The following KANK1 variants were observed in gnomAD, a reference collection of about 807,000 sequenced individuals.
The protein encoded by KANK1 is KN motif and ankyrin repeat domains 1, also known as KN motif and ankyrin repeat domain-containing protein 1.
KANK1 carries 109 observed loss-of-function variants against 106.2 expected under a neutral mutation model. That is an observed-to-expected ratio of 1.03 (90% CI 0.88 to 1.20). The LOEUF is 1.20. Ranked by LOEUF, KANK1 falls within the 50% of genes most tolerant of loss-of-function variation. The pLI is 0.00. For missense variants in KANK1, 2,399 were observed against 1,710.7 expected (o/e 1.40, Z -7.10); for synonymous variants, 873 against 652.2 (o/e 1.34, Z -5.16).
At chr9:563,787 A>T (rs146575101) in intron 1 of KANK1, among the ~76,000 whole-genome samples, 71 of 152,270 alleles carry the variant, frequency 4.7e-4, no homozygotes, top group Admixed American at 3.9e-3. Context: ...GACGCAGCAA[A>T]TTCAGTTCAG....
At chr9:716,992 G>A (rs1827886428) in intron 3 of KANK1, among the ~76,000 whole-genome samples, 1 of 150,074 alleles carries the variant, frequency 6.7e-6, no homozygotes, top group African/African-American at 2.5e-5. Flanking sequence ...GTGGGTGGGG[G>A]TGGTGGGGGG....
Position 711,829 on chromosome 9 carries a change from G to A in KANK1, c.1063G>A (p.Glu355Lys). ...CATTGACTATGAGGAGGAAGAAATG[G>A]AGACCGTAGAACAGAGCACGCAGAG... is the stretch of plus-strand genomic sequence containing the variant. ...LYIDYEEEEM[E>K]TVEQSTQRIK... is the part of the protein sequence containing the mutation. Residue 355 changes from glutamate (E) to lysine (K), a missense_variant, in exon 3 of 12, where the codon GAG (glutamate) becomes AAG (lysine). Glu to Lys is a moderately conservative substitution (Grantham distance 56). Transcript: ENST00000382297. 1.2e-6 allele frequency: 2 copies of A among 1,614,164 alleles called. No individual in the cohort carries two copies. Among genetic ancestry groups the A allele is most frequent in the South Asian group, 1.1e-5 (1 of 91,084 alleles).
rs995600543 is a variant in KANK1, at chr9:713,227, A to T, written c.2461A>T (p.Thr821Ser). ...GCCTCAAGCTCCACTTGGAATGATG[A>T]CTGGCCTGGATCACTACATTGAGCG... ...PQPQAPLGMM[T>S]GLDHYIERIQ... is the part of the protein sequence containing the mutation. Residue 821 changes from threonine to serine, a missense_variant, in exon 3 of 12, where the codon ACT becomes TCT. Physicochemically the swap from Thr to Ser is moderately conservative, Grantham distance 58 (BLOSUM62 1). Transcript: ENST00000382297. The T allele has an allele frequency of 3.1e-6, 5 of 1,599,352 alleles. No homozygotes were observed. The African/African-American group carries it at 4.0e-5, about 13-fold the overall frequency.
At chr9:549,997 C>G (rs931710877) in intron 1 of KANK1, among the ~76,000 whole-genome samples, 2 of 152,100 alleles carry the variant, frequency 1.3e-5, no homozygotes, top group African/African-American at 2.4e-5. Flanking sequence ...ACTGGGGACA[C>G]TGAGGTGGGT....
chr9:652,045 A>G (rs932838831), intron 1 of KANK1, among the ~76,000 whole-genome samples: 4 of 152,212 alleles, frequency 2.6e-5, no homozygotes, highest in African/African-American at 9.7e-5. Context: ...GAGAATATAA[A>G]TTAATACCTG....
At chr9:498,342 C>T (rs895356700) in intron 3 of KANK1, among the ~76,000 whole-genome samples, 3 of 152,224 alleles carry the variant, frequency 2.0e-5, no homozygotes, top group South Asian at 2.1e-4. Context: ...GCTTGTATAA[C>T]GCGTGGTCAT....
chr9:734,886 G>A (rs1833346601), intron 7 of KANK1, 51 bp downstream of exon 7: 1 of 1,359,224 alleles, frequency 7.4e-7, no homozygotes, highest in Non-Finnish European at 1.1e-6. Context: ...GTGCATGAGT[G>A]GGTTCATTGT....
At chr9:698,314 C>G (rs1374003233) in intron 2 of KANK1, among the ~76,000 whole-genome samples, 1 of 152,110 alleles carries the variant, frequency 6.6e-6, no homozygotes, top group Non-Finnish European at 1.5e-5. Flanking sequence ...TCTCAACATG[C>G]TAAATCAGAA....
At chr9:696,652 G>T (rs150419330) in intron 2 of KANK1, among the ~76,000 whole-genome samples, 1 of 152,164 alleles carries the variant, frequency 6.6e-6, no homozygotes, top group East Asian at 1.9e-4. Flanking sequence ...TGCTGGATTG[G>T]GGCTAAATTG....
chr9:539,334 C>T (rs144195198), intron 1 of KANK1, among the ~76,000 whole-genome samples: 1 of 152,230 alleles, frequency 6.6e-6, no homozygotes, highest in African/African-American at 2.4e-5. Context: ...TAGGTCACTT[C>T]GGGGAGTATG....
chr9:544,331 T>G (rs1251631174), intron 1 of KANK1, among the ~76,000 whole-genome samples: 1 of 152,162 alleles, frequency 6.6e-6, no homozygotes, highest in Non-Finnish European at 1.5e-5. Context: ...CCCTGTTAAC[T>G]TCTTATGTCA....
rs925056321 is a variant in KANK1, at chr9:711,649, C to G, written c.883C>G (p.Gln295Glu). Residue 295 changes from glutamine (Q) to glutamate (E), a missense_variant, in exon 3 of 12, where the codon CAA becomes GAA. Transcript: ENST00000382297. ...GCTCCAGGTAAAGATCTCTGTCTTG[C>G]AAGAAGAGAAAAGGCAGTTGGTCTC... Reference protein sequence around the residue: ...PVLQVKISVLQEEKRQLVSQL... With the variant: ...PVLQVKISVLEEEKRQLVSQL... The G allele has an allele frequency of 1.2e-6, 2 of 1,614,038 alleles. No individual in the cohort carries two copies. Among genetic ancestry groups the G allele is most frequent in the Middle Eastern group, 1.6e-4 (1 of 6,084 alleles).
chr9:557,057 C>A (rs139960642), intron 1 of KANK1, among the ~76,000 whole-genome samples: 1 of 151,972 alleles, frequency 6.6e-6, no homozygotes, highest in Non-Finnish European at 1.5e-5. Context: ...GTGGCTCATG[C>A]CTGCAATCCT....
chr9:636,538 C>T (rs1489517774), intron 1 of KANK1, among the ~76,000 whole-genome samples: 2 of 152,132 alleles, frequency 1.3e-5, no homozygotes, highest in African/African-American at 2.4e-5. Context: ...TTGTCCACTT[C>T]ATAACTTGCT....
chr9:659,583 C>T (rs1392624276), intron 1 of KANK1, among the ~76,000 whole-genome samples: 3 of 152,104 alleles, frequency 2.0e-5, no homozygotes, highest in Non-Finnish European at 2.9e-5. Flanking sequence ...AAGGCTTAAT[C>T]GACTCACAGT....
intron 3 of KANK1, among the ~76,000 whole-genome samples, chr9:718,298 CTTTTT>C (rs60145502): frequency 4.0e-5 from 3 of 74,126 alleles, no homozygotes; most frequent in Non-Finnish European, 4.9e-5. Flanking sequence ...CTTGCTGTGT[CTTTTT>C]TTTTTTTTTT....
intron 1 of KANK1, among the ~76,000 whole-genome samples, chr9:624,189 A>G (rs1294204585): frequency 6.6e-6 from 1 of 152,160 alleles, no homozygotes; most frequent in African/African-American, 2.4e-5. Flanking sequence ...TTGAATCCAC[A>G]AGCCAAGAGT....
At chr9:726,078 T>A (rs775624079) in intron 3 of KANK1, among the ~76,000 whole-genome samples, 8 of 152,204 alleles carry the variant, frequency 5.3e-5, no homozygotes, top group African/African-American at 1.9e-4. Flanking sequence ...TACATACATA[T>A]GTAAATATAA....
At chr9:637,844 G>T (rs1415649812) in intron 1 of KANK1, among the ~76,000 whole-genome samples, 1 of 152,144 alleles carries the variant, frequency 6.6e-6, no homozygotes, top group Non-Finnish European at 1.5e-5. Flanking sequence ...ATTGCCTTCA[G>T]CATAAGAAAA....
Sources: allele counts gnomAD v4.1 joint callset (sites outside exome capture counted in the v4.1 genomes callset), GRCh38; gene constraint gnomAD v4.1.1; transcripts MANE v1.5; gene names NCBI Gene and HGNC (gene_info 2026-07-23, HGNC 2026-07-21).